The following PHF2 variants were observed in gnomAD, a reference collection of about 807,000 sequenced individuals.
PHF2 encodes the protein lysine-specific demethylase PHF2.
A neutral mutation model predicts 120.5 loss-of-function variants in PHF2; 27 were observed. That is an observed-to-expected ratio of 0.22 (90% CI 0.17 to 0.31). The LOEUF (loss-of-function observed/expected upper bound fraction) is 0.31, where lower values mean the gene tolerates loss of function less well. PHF2 is among the 10% of genes least tolerant of loss of function. The probability of loss-of-function intolerance (pLI) is 1.00; values close to 1 mark genes in which losing one functional copy is unlikely to be tolerated. For missense variants in PHF2, 1,024 were observed against 1,434.8 expected, an observed-to-expected ratio of 0.71 and a Z score of 4.63; for synonymous variants, 568 against 592.5, an observed-to-expected ratio of 0.96 and a Z score of 0.60.
intron 1 of PHF2, among the ~76,000 whole-genome samples, chr9:93,602,705 G>T (rs118156092): frequency 2.4e-4 from 37 of 152,278 alleles, no homozygotes; most frequent in Non-Finnish European, 5.1e-4. Context: ...GACCTCGGGT[G>T]CATGGGAAAT....
chr9:93,609,169 T>C (rs1178742860), intron 1 of PHF2, among the ~76,000 whole-genome samples: 1 of 151,038 alleles, frequency 6.6e-6, no homozygotes, highest in African/African-American at 2.4e-5. Context: ...ACTCTATGGG[T>C]AGAGCAAGAA....
rs1412442350 is a variant in PHF2 at position 93,665,752 on chromosome 9, C to G, written c.2004C>G (p.Asp668Glu). Residue 668 changes from aspartate (D) to glutamate (E), a missense_variant, in exon 15 of 22, where the codon GAC (aspartate) becomes GAG (glutamate). Physicochemically the swap from Asp to Glu is conservative, Grantham distance 45. This residue lies in a region of PHF2 where 677 missense variants were observed against 857.4 expected (regional missense o/e 0.79). Transcript: ENST00000359246. ...VFGALQNFKE[D>E]KPKPVRDEYE... ...GGGCCTTGCAGAACTTCAAGGAGGA[C>G]AAGCCCAAGCCCGTGCGGGATGAGT... 1 of 1,613,958 alleles carries G rather than the reference C, an allele frequency of 6.2e-7. No homozygotes were observed. The highest frequency in any genetic ancestry group is 1.3e-5 in the African/African-American group (1 of 74,940).
chr9:93,652,290 CTTTTTTTTTT>C (rs751282822), intron 5 of PHF2, among the ~76,000 whole-genome samples: 3 of 96,362 alleles, frequency 3.1e-5, no homozygotes, highest in African/African-American at 9.0e-5. Flanking sequence ...TTGAGCTTGA[CTTTTTTTTTT>C]TTTTTTTTTT....
intron 7 of PHF2, 56 bp downstream of exon 7, chr9:93,654,631 C>T (rs1181912887): frequency 6.5e-7 from 1 of 1,530,238 alleles, no homozygotes; most frequent in African/African-American, 1.4e-5. Context: ...CCTCATCAAG[C>T]TTACTGCCCT....
chr9:93,669,207 G>C (rs560160423), intron 17 of PHF2, among the ~76,000 whole-genome samples: 1 of 152,332 alleles, frequency 6.6e-6, no homozygotes, highest in East Asian at 1.9e-4. Context: ...CCAGCCCCCC[G>C]TGGCTAAGTG....
chr9:93,672,918 G>A (rs542400504), intron 17 of PHF2, among the ~76,000 whole-genome samples: 1 of 151,796 alleles, frequency 6.6e-6, no homozygotes, highest in Admixed American at 6.6e-5. Flanking sequence ...GCAGGTGCAG[G>A]TGTGAGGGTA....
intron 17 of PHF2, among the ~76,000 whole-genome samples, chr9:93,669,158 A>G (rs1826735613): frequency 6.6e-6 from 1 of 152,208 alleles, no homozygotes; most frequent in African/African-American, 2.4e-5. Flanking sequence ...CCCAGACGGC[A>G]TGGCATGGAC....
Position 93,636,453 on chromosome 9 carries a change from C to G in PHF2, c.227C>G (p.Ala76Gly). The G allele has an allele frequency of 6.2e-7, 1 of 1,610,404 alleles. No individual in the cohort carries two copies. The highest frequency in any genetic ancestry group is 8.5e-7 in the Non-Finnish European group (1 of 1,178,548). Residue 76 changes from alanine (A) to glycine (G), a missense_variant, in exon 3 of 22, where the codon GCG becomes GGG. Ala to Gly is a moderately conservative substitution (Grantham distance 60). Around this residue, in one of 2 missense-constraint regions of PHF2, gnomAD observed 347 missense variants for 577.4 expected, o/e 0.60. Coordinates refer to ENST00000359246, the MANE Select transcript of PHF2 (RefSeq NM_005392.4). ...TGGCACAAACACGGCCCGGGGCAAG[C>G]GCCTGACGTCAAGCCCGTGCAGAAT... ...RTWHKHGPGQ[A>G]PDVKPVQNGS...
intron 2 of PHF2, among the ~76,000 whole-genome samples, chr9:93,631,139 C>G (rs536512216): frequency 1.5e-4 from 23 of 152,108 alleles, no homozygotes; most frequent in Non-Finnish European, 2.9e-4. Context: ...CTCCAGCACC[C>G]CTGTTCTGTG....
intron 2 of PHF2, among the ~76,000 whole-genome samples, chr9:93,634,446 G>T (rs1307958464): frequency 2.0e-5 from 3 of 152,174 alleles, no homozygotes; most frequent in African/African-American, 7.2e-5. Flanking sequence ...AGAAGCAGGG[G>T]CTCCCAAGCA....
intron 1 of PHF2, among the ~76,000 whole-genome samples, chr9:93,618,812 G>GTGTC (rs1825770793): frequency 1.4e-5 from 2 of 142,434 alleles, no homozygotes; most frequent in Admixed American, 7.3e-5. Context: ...GTGTATGAGG[G>GTGTC]TGTCTGCATG....
chr9:93,604,170 A>G (rs577658389), intron 1 of PHF2, among the ~76,000 whole-genome samples: 1 of 152,226 alleles, frequency 6.6e-6, no homozygotes, highest in Non-Finnish European at 1.5e-5. Context: ...GATGTGTGGT[A>G]GGGAAGAGGC....
Position 93,649,228 on chromosome 9 carries a change from C to CG in PHF2, c.602+16_602+17insG. Reference sequence around the variant, plus strand: ...CTGACACCCGGTGAGTGCTACCACCCTGGGGGTGTGGGGGCTGGGGTTGGG... The same window carrying CG: ...CTGACACCCGGTGAGTGCTACCACCCGTGGGGGTGTGGGGGCTGGGGTTGGG... On this transcript the variant is annotated intron_variant, in intron 5 of 21. Coordinates refer to ENST00000359246, the MANE Select transcript of PHF2 (RefSeq NM_005392.4). 1 of 1,124,980 alleles carries CG rather than the reference C, an allele frequency of 8.9e-7. No individual in the cohort carries two copies. 69.7% of individuals were successfully genotyped at this position (1,124,980 alleles called of 1,614,324 possible).
intron 1 of PHF2, among the ~76,000 whole-genome samples, chr9:93,615,411 GTGA>G (rs370853422): frequency 1.3e-5 from 2 of 152,190 alleles, no homozygotes; most frequent in Non-Finnish European, 2.9e-5. Context: ...GATGATGATG[GTGA>G]TGATAACTAT....
chr9:93,666,095 G>A (rs1413131848), intron 16 of PHF2, 35 bp downstream of exon 16: 3 of 1,595,800 alleles, frequency 1.9e-6, no homozygotes, highest in African/African-American at 2.7e-5. Flanking sequence ...CAGTCTCGGG[G>A]GGCATCTCTG....
At chr9:93,599,676 A>G (rs1042025035) in intron 1 of PHF2, among the ~76,000 whole-genome samples, 5 of 152,204 alleles carry the variant, frequency 3.3e-5, no homozygotes, top group African/African-American at 9.7e-5. Context: ...CCTGGACTTC[A>G]CTAAACCATA....
rs1259947418 is a variant in PHF2 at position 93,676,698 on chromosome 9, C to G, written c.2937C>G (p.Thr979=). Reference sequence around the variant, plus strand: ...CCATCTCTGCCGGCACCACCTCCACCTCCACCACGCCAGCCTCTACCACCC... The same window carrying G: ...CCATCTCTGCCGGCACCACCTCCACGTCCACCACGCCAGCCTCTACCACCC... The part of the protein sequence containing the change: ...STSISAGTTS[T]STTPASTTPA... The change falls in exon 21 of 22, where the codon ACC becomes ACG. Residue 979 remains threonine, a synonymous_variant. Transcript: ENST00000359246. 6.4e-7 allele frequency: 1 copy of G among 1,565,712 alleles called. No homozygotes were observed. Among genetic ancestry groups the G allele is most frequent in the Non-Finnish European group, 8.7e-7 (1 of 1,156,010 alleles).
intron 1 of PHF2, among the ~76,000 whole-genome samples, chr9:93,591,987 G>A (rs980727795): frequency 2.0e-5 from 3 of 152,224 alleles, no homozygotes; most frequent in African/African-American, 7.2e-5. Context: ...TTCCCCAGCT[G>A]CTCAGCGCCC....
chr9:93,658,160 G>A lies in PHF2; in HGVS notation c.1163G>A (p.Gly388Glu), dbSNP rs1204561627. 10 of 1,612,642 alleles carry A rather than the reference G, an allele frequency of 6.2e-6. No homozygotes were observed. The highest frequency in any genetic ancestry group is 8.5e-6 in the Non-Finnish European group (10 of 1,179,432). Residue 388 changes from glycine to glutamate, a missense_variant, in exon 10 of 22, where the codon GGG becomes GAG. By Grantham distance (98) the Gly-to-Glu change is moderately conservative (BLOSUM62 -2). Around this residue, in one of 2 missense-constraint regions of PHF2, gnomAD observed 347 missense variants for 577.4 expected, o/e 0.60. Transcript: ENST00000359246. ...TCCTTCCCAGGCTCTCACAAATCTGGGAAGCAGCTGCCCCCTCATCTAGTC... is the reference window on the plus strand; with the variant it reads ...TCCTTCCCAGGCTCTCACAAATCTGAGAAGCAGCTGCCCCCTCATCTAGTC... Reference protein sequence around the residue: ...LEAFKGSHKSGKQLPPHLVQG... With the variant: ...LEAFKGSHKSEKQLPPHLVQG...
Sources: gnomAD v4.1 joint callset for allele counts (sites outside exome capture counted in the v4.1 genomes callset) on GRCh38, gnomAD v4.1.1 for gene constraint, gnomAD v4.1.1 regional missense constraint, MANE v1.5 for transcripts, NCBI Gene and HGNC (gene_info 2026-07-23, HGNC 2026-07-21) for gene names.